GRID1: variants seen among roughly 807,000 people sequenced by gnomAD.
GRID1 encodes glutamate ionotropic receptor delta type subunit 1, also known as glutamate receptor ionotropic, delta-1.
In GRID1, 28 loss-of-function variants were observed where a neutral mutation model predicts 98.0. The ratio of observed to expected loss-of-function variants is 0.29; its 90% CI spans 0.21 to 0.39. The LOEUF is 0.39. GRID1 is among the 10% of genes least tolerant of loss of function. The pLI is 1.00. For missense variants in GRID1, 1,111 were observed against 1,340.5 expected (o/e 0.83, Z 2.67); for synonymous variants, 553 against 538.5 (o/e 1.03, Z -0.37).
At chr10:85,987,707 C>G (rs577433288) in intron 4 of GRID1, among the ~76,000 whole-genome samples, 1 of 151,538 alleles carries the variant, frequency 6.6e-6, no homozygotes, top group African/African-American at 2.4e-5. Flanking sequence ...TTTCCAGAAT[C>G]CAGGATGCTC....
chr10:85,938,042 C>G (rs1422679393), intron 4 of GRID1, among the ~76,000 whole-genome samples: 1 of 152,176 alleles, frequency 6.6e-6, no homozygotes, highest in Non-Finnish European at 1.5e-5. Flanking sequence ...GCTATCTGGT[C>G]TCAATTTGAC....
intron 4 of GRID1, 131 bp downstream of exon 4, chr10:86,138,688 G>A (rs1397553394): frequency 1.5e-6 from 1 of 669,340 alleles, no homozygotes; most frequent in Non-Finnish European, 2.6e-6. Context: ...AGTGCTGTGG[G>A]CCGAGCACCT....
At chr10:85,646,607 C>T in intron 13 of GRID1, 1 of 155,956 alleles carries the variant, frequency 6.4e-6, no homozygotes, top group Non-Finnish European at 1.4e-5. Context: ...CATGGCCTTT[C>T]TCCTCCCTTC....
intron 4 of GRID1, among the ~76,000 whole-genome samples, chr10:86,133,720 C>A (rs1844872896): frequency 6.6e-6 from 1 of 152,206 alleles, no homozygotes; most frequent in African/African-American, 2.4e-5. Flanking sequence ...AGACAAGGTC[C>A]CATGCTGCTC....
At chr10:86,143,599 T>A (rs1177321808) in intron 3 of GRID1, among the ~76,000 whole-genome samples, 1 of 152,092 alleles carries the variant, frequency 6.6e-6, no homozygotes, top group Non-Finnish European at 1.5e-5. Flanking sequence ...CCATCCACCA[T>A]CACCAATGCA....
At chr10:85,774,172 A>C (rs1430842061) in intron 8 of GRID1, among the ~76,000 whole-genome samples, 1 of 152,118 alleles carries the variant, frequency 6.6e-6, no homozygotes, top group African/African-American at 2.4e-5. Flanking sequence ...ATAACGCCGC[A>C]TATCTACAAC....
chr10:86,216,960 G>T (rs1044808800), intron 2 of GRID1, among the ~76,000 whole-genome samples: 2 of 152,138 alleles, frequency 1.3e-5, no homozygotes, highest in Non-Finnish European at 2.9e-5. Context: ...GAAAAAGGCT[G>T]AAAAAGAGGA....
intron 4 of GRID1, among the ~76,000 whole-genome samples, chr10:86,032,282 G>A (rs891575833): frequency 6.6e-6 from 1 of 152,188 alleles, no homozygotes; most frequent in Non-Finnish European, 1.5e-5. Flanking sequence ...CCGTCTGGGA[G>A]GTGGGGGGCC....
chr10:86,193,376 C>T (rs892919060), intron 3 of GRID1, among the ~76,000 whole-genome samples: 5 of 152,126 alleles, frequency 3.3e-5, no homozygotes, highest in South Asian at 2.1e-4. Flanking sequence ...GGAGAAGCAA[C>T]GCAAGGCACG....
rs941317386 is a variant in GRID1, at chr10:85,651,478, C to T, written c.1998-4081G>A. On this transcript the variant is annotated intron_variant, in intron 12 of 15. Coordinates refer to ENST00000327946, the MANE Select transcript of GRID1 (RefSeq NM_017551.3). ...TTGTTTCCATCTTGCTGCCAAGGTA[C>T]ATGCAAATGCTCCCCCATCAGCCCC... Among the ~76,000 whole-genome samples, 6 of 152,234 alleles carry T rather than the reference C, an allele frequency of 3.9e-5. No homozygotes were observed. The East Asian group carries it at 1.2e-3, about 29-fold the overall frequency.
intron 2 of GRID1, among the ~76,000 whole-genome samples, chr10:86,327,072 G>T (rs1848061260): frequency 6.6e-6 from 1 of 152,116 alleles, no homozygotes; most frequent in Non-Finnish European, 1.5e-5. Flanking sequence ...GGAGGCAGAG[G>T]TTGCAGTGAG....
At chr10:85,603,624 G>A (rs1297345328) in intron 15 of GRID1, among the ~76,000 whole-genome samples, 1 of 152,228 alleles carries the variant, frequency 6.6e-6, no homozygotes, top group African/African-American at 2.4e-5. Context: ...CAAGGAAGAC[G>A]TCATCTCCTT....
intron 4 of GRID1, among the ~76,000 whole-genome samples, chr10:85,987,418 AATTACCCCCC>A: frequency 1.9e-5 from 1 of 51,444 alleles, no homozygotes. Context: ...CCCCCAACCT[AATTACCCCCC>A]AGCTTTACCT....
intron 12 of GRID1, among the ~76,000 whole-genome samples, chr10:85,648,622 C>T (rs553215426): frequency 6.6e-6 from 1 of 152,304 alleles, no homozygotes; most frequent in Admixed American, 6.5e-5. Context: ...GCACACAGAA[C>T]CATAGCCAAC....
intron 4 of GRID1, among the ~76,000 whole-genome samples, chr10:85,918,375 G>A (rs139729012): frequency 4.6e-5 from 7 of 152,100 alleles, no homozygotes; most frequent in East Asian, 1.9e-4. Flanking sequence ...CTGTTCCTTC[G>A]TAAAAGGAAC....
At chr10:86,327,684 A>G (rs764199764) in intron 2 of GRID1, among the ~76,000 whole-genome samples, 1 of 152,240 alleles carries the variant, frequency 6.6e-6, no homozygotes, top group Non-Finnish European at 1.5e-5. Flanking sequence ...GAAGGCTCAC[A>G]GTAATTAGGG....
chr10:85,600,531 T>C lies in GRID1; in HGVS notation c.*1742A>G, dbSNP rs1045652768. 3.3e-5 allele frequency: 5 copies of C among 152,226 alleles called. No individual in the cohort carries two copies. The highest frequency in any genetic ancestry group is 7.3e-5 in the Non-Finnish European group (5 of 68,050). The allele number at this position is 152,226 out of a possible 1,614,324, so 9.4% of individuals were successfully genotyped here. ...ATAGAAGAAGCAATCAATAGGACTT[T>C]GTATTTCTCCATGATCACAGAACCA... On this transcript the variant is annotated 3_prime_UTR_variant, in exon 16 of 16. Transcript: ENST00000327946.
At chr10:86,144,259 C>A (rs1023045260) in intron 3 of GRID1, among the ~76,000 whole-genome samples, 1 of 152,130 alleles carries the variant, frequency 6.6e-6, no homozygotes, top group Non-Finnish European at 1.5e-5. Context: ...AAAGACCCTG[C>A]CTCGGTGAGG....
chr10:85,869,735 T>C (rs1843258321), intron 5 of GRID1, among the ~76,000 whole-genome samples: 1 of 152,224 alleles, frequency 6.6e-6, no homozygotes, highest in African/African-American at 2.4e-5. Flanking sequence ...GCACTGTGGA[T>C]ACAGCCAGAA....
Sources: gnomAD v4.1 joint callset for allele counts (sites outside exome capture counted in the v4.1 genomes callset) on GRCh38, gnomAD v4.1.1 for gene constraint, MANE v1.5 for transcripts, NCBI Gene and HGNC (gene_info 2026-07-23, HGNC 2026-07-21) for gene names.